The following INPP5B variants were observed in gnomAD, a reference collection of about 807,000 sequenced individuals.
The protein encoded by INPP5B is type II inositol 1,4,5-trisphosphate 5-phosphatase.
INPP5B carries 90 observed loss-of-function variants against 118.5 expected under a neutral mutation model. The ratio of observed to expected loss-of-function variants is 0.76; its 90% confidence interval spans 0.64 to 0.90. The LOEUF is 0.90. INPP5B is among the 40% of genes least tolerant of loss of function. The pLI, the probability that INPP5B is intolerant of heterozygous loss-of-function variation, is 0.00. For missense variants in INPP5B, 984 were observed against 1,125.6 expected, an observed-to-expected ratio of 0.87 and a Z score of 1.80; for synonymous variants, 385 against 418.9, an observed-to-expected ratio of 0.92 and a Z score of 0.99.
intron 6 of INPP5B, among the ~76,000 whole-genome samples, chr1:37,935,916 A>T (rs1645669473): frequency 6.6e-6 from 1 of 151,934 alleles, no homozygotes; most frequent in African/African-American, 2.4e-5. Flanking sequence ...AATACAAAAA[A>T]TTAGCCAGGC....
At chr1:37,878,592 T>A (rs908992865) in intron 15 of INPP5B, 1 of 603,250 alleles carries the variant, frequency 1.7e-6, no homozygotes, top group Non-Finnish European at 2.1e-6. Context: ...AGGAGAGAAT[T>A]AAAAAACCAA....
intron 7 of INPP5B, chr1:37,931,556 T>C: frequency 1.3e-6 from 2 of 1,537,502 alleles, no homozygotes; most frequent in Non-Finnish European, 1.7e-6. Flanking sequence ...CCACCAGGAC[T>C]TTGGTCTTCG....
intron 15 of INPP5B, among the ~76,000 whole-genome samples, chr1:37,879,437 T>C (rs1263098436): frequency 6.6e-6 from 1 of 151,946 alleles, no homozygotes; most frequent in South Asian, 2.1e-4. Flanking sequence ...CTTCAACAGG[T>C]TCTTGAGGAT....
intron 7 of INPP5B, 172 bp downstream of exon 7, chr1:37,931,741 T>A: frequency 6.3e-7 from 1 of 1,594,468 alleles, no homozygotes; most frequent in Non-Finnish European, 8.5e-7. Context: ...AAGCTCCTCA[T>A]CCCGCCGCCC....
chr1:37,938,057 G>A (rs1204181507), intron 6 of INPP5B, among the ~76,000 whole-genome samples: 2 of 150,720 alleles, frequency 1.3e-5, no homozygotes, highest in African/African-American at 4.9e-5. Context: ...TGGATCACGA[G>A]GTCAGGAGTT....
At chr1:37,884,137 A>G (rs1167645495) in intron 13 of INPP5B, 1 of 152,364 alleles carries the variant, frequency 6.6e-6, no homozygotes, top group Admixed American at 6.5e-5. Flanking sequence ...ACATACTTCT[A>G]AAAACTGGGT....
intron 16 of INPP5B, among the ~76,000 whole-genome samples, chr1:37,876,703 C>CCAA (rs1553152987): frequency 6.2e-5 from 5 of 80,812 alleles, no homozygotes; most frequent in Non-Finnish European, 1.1e-4. Context: ...ACTAAAAATA[C>CCAA]AAAAAAAAAA....
At chr1:37,891,728 C>T (rs1240941283) in intron 7 of INPP5B, among the ~76,000 whole-genome samples, 2 of 152,154 alleles carry the variant, frequency 1.3e-5, no homozygotes, top group African/African-American at 4.8e-5. Context: ...GAGCCAAGAT[C>T]GTGCCGTTGC....
intron 7 of INPP5B, among the ~76,000 whole-genome samples, chr1:37,895,265 T>G (rs1643985161): frequency 1.3e-5 from 2 of 152,196 alleles, no homozygotes; most frequent in African/African-American, 4.8e-5. Flanking sequence ...GAAGACAGCT[T>G]GGCAGTTTCT....
intron 10 of INPP5B, among the ~76,000 whole-genome samples, chr1:37,887,875 G>A (rs934677624): frequency 3.4e-5 from 5 of 148,234 alleles, no homozygotes; most frequent in African/African-American, 1.2e-4. Context: ...AAAAAAAAAA[G>A]ACTAACTGAT....
At chr1:37,904,068 T>C (rs1476818489) in intron 7 of INPP5B, among the ~76,000 whole-genome samples, 2 of 152,212 alleles carry the variant, frequency 1.3e-5, no homozygotes, top group East Asian at 3.8e-4. Context: ...GGCTCATGCC[T>C]GTAATCCTAG....
intron 7 of INPP5B, among the ~76,000 whole-genome samples, chr1:37,915,352 G>A (rs1020484492): frequency 5.9e-5 from 9 of 152,280 alleles, no homozygotes; most frequent in Middle Eastern, 3.4e-3. Context: ...TTAATCAAAC[G>A]CTTTCATATT....
At position 37,943,853 on chromosome 1, in the gene INPP5B, C is replaced by T; in HGVS notation, c.193G>A (p.Asp65Asn). The T allele has an allele frequency of 6.2e-7, 1 of 1,614,098 alleles. No individual in the cohort carries two copies. Among genetic ancestry groups the T allele is most frequent in the Middle Eastern group, 1.6e-4 (1 of 6,062 alleles). ...ACTATCTGGTCCAGAGAGACATCGT[C>T]CCCGGTAATGGCCATCCTCCGGTGC... ...YTHRRMAITG[D>N]DVSLDQIVPV... Residue 65 changes from aspartate to asparagine, a missense_variant, in exon 4 of 24, where the codon GAC becomes AAC. Around this residue, in one of 2 missense-constraint regions of INPP5B, gnomAD observed 350 missense variants for 334.6 expected, o/e 1.05. Coordinates refer to ENST00000373024, the MANE Select transcript of INPP5B (RefSeq NM_005540.3).
intron 20 of INPP5B, among the ~76,000 whole-genome samples, chr1:37,866,767 G>A (rs1247374505): frequency 6.6e-6 from 1 of 152,106 alleles, no homozygotes; most frequent in Non-Finnish European, 1.5e-5. Context: ...ATAAAACTAT[G>A]GGTAGGGCAC....
chr1:37,889,599 A>G lies in INPP5B; in HGVS notation c.755T>C (p.Leu252Pro). The G allele has an allele frequency of 6.2e-7, 1 of 1,614,046 alleles. No individual in the cohort carries two copies. The highest frequency in any genetic ancestry group is 8.5e-7 in the Non-Finnish European group (1 of 1,179,920). Residue 252 changes from leucine to proline, a missense_variant, in exon 9 of 24, where the codon CTA (leucine) becomes CCA (proline). Around this residue, in one of 2 missense-constraint regions of INPP5B, gnomAD observed 350 missense variants for 334.6 expected, o/e 1.05. Transcript: ENST00000373024. ...GGTGTAATCCTCTTCTTTCTGTAGT[A>G]GATGTGATTTCACAATTGTATCTCG... is the stretch of plus-strand genomic sequence containing the variant. ...GLRDTIVKSH[L>P]LQKEEDYTYI... is the part of the protein sequence containing the mutation.
chr1:37,940,613 T>C, intron 6 of INPP5B, 75 bp downstream of exon 6: 1 of 830,194 alleles, frequency 1.2e-6, no homozygotes, highest in South Asian at 1.5e-5. Context: ...GTCCAAAGGG[T>C]GGAGAGTCAA....
intron 7 of INPP5B, among the ~76,000 whole-genome samples, chr1:37,923,353 A>C (rs1645119672): frequency 6.6e-6 from 1 of 152,198 alleles, no homozygotes; most frequent in Non-Finnish European, 1.5e-5. Context: ...AATGAAGATA[A>C]GTTGTAGCAG....
At chr1:37,883,301 C>T (rs566362250) in intron 13 of INPP5B, 1 of 985,448 alleles carries the variant, frequency 1.0e-6, no homozygotes, top group Admixed American at 6.1e-5. Flanking sequence ...ACGATACCAC[C>T]TCTGCCTCTG....
At chr1:37,916,446 T>C (rs1644867042) in intron 7 of INPP5B, among the ~76,000 whole-genome samples, 1 of 150,904 alleles carries the variant, frequency 6.6e-6, no homozygotes, top group Admixed American at 6.6e-5. Context: ...GGCAGAGTTT[T>C]GCTCTTGTTG....
Sources: gnomAD v4.1 joint callset for allele counts (sites outside exome capture counted in the v4.1 genomes callset) on GRCh38, gnomAD v4.1.1 for gene constraint, gnomAD v4.1.1 regional missense constraint, MANE v1.5 for transcripts, NCBI Gene and HGNC (gene_info 2026-07-23, HGNC 2026-07-21) for gene names.